KIAA1217: variants seen among roughly 807,000 people sequenced by gnomAD.
KIAA1217 encodes KIAA1217.
In KIAA1217, 88 loss-of-function variants were observed where a neutral mutation model predicts 163.9. The observed-to-expected ratio is 0.54, with a 90% CI of 0.45 to 0.64. The LOEUF (loss-of-function observed/expected upper bound fraction) is 0.64. KIAA1217 is among the 30% of genes least tolerant of loss of function. The pLI, the probability that KIAA1217 is intolerant of heterozygous loss-of-function variation, is 0.00. For synonymous variants in KIAA1217, 903 were observed against 923.1 expected (o/e 0.98, Z 0.39); for missense variants, 2,372 against 2,475.0 (o/e 0.96, Z 0.88).
In KIAA1217 at chr10:23,852,656, G is replaced by T. The variant is rs557269216; in HGVS notation, c.-320-154569G>T. ...TTCTTCCTACCCATGAGCATGGAATGTTCTTCCATTTGTTTGTATCCTCTT... is the reference window on the plus strand; with the variant it reads ...TTCTTCCTACCCATGAGCATGGAATTTTCTTCCATTTGTTTGTATCCTCTT... On this transcript the variant is annotated intron_variant, in intron 1 of 18. Coordinates refer to the KIAA1217 transcript ENST00000376462. Among the ~76,000 whole-genome samples, 21 of 152,276 alleles carry T rather than the reference G, an allele frequency of 1.4e-4. No homozygotes were observed. The South Asian group carries it at 4.4e-3, about 32-fold the overall frequency.
Position 24,546,355 on chromosome 10 carries a change from T to C in KIAA1217, c.*31T>C, listed in dbSNP as rs1319469486. Reference sequence around the variant, plus strand: ...AAATCCTATTAGGCACAAGTCGGAGTTACATTTAAAAAAAATTAACAGTCT... The same window carrying C: ...AAATCCTATTAGGCACAAGTCGGAGCTACATTTAAAAAAAATTAACAGTCT... On this transcript the variant is annotated 3_prime_UTR_variant, in exon 21 of 21. Coordinates refer to ENST00000376454, the MANE Select transcript of KIAA1217 (RefSeq NM_019590.5). 2.6e-6 allele frequency: 4 copies of C among 1,539,620 alleles called. No homozygotes were observed. The highest frequency in any genetic ancestry group is 3.5e-6 in the Non-Finnish European group (4 of 1,145,886).
At chr10:24,140,886 T>G (rs1415452355) in intron 2 of KIAA1217, among the ~76,000 whole-genome samples, 2 of 152,186 alleles carry the variant, frequency 1.3e-5, no homozygotes, top group African/African-American at 4.8e-5. Flanking sequence ...CATGTCTTAT[T>G]GCATTGTCAA....
chr10:24,097,613 A>G (rs2062214510), intron 2 of KIAA1217, among the ~76,000 whole-genome samples: 1 of 152,182 alleles, frequency 6.6e-6, no homozygotes, highest in South Asian at 2.1e-4. Context: ...TTTTTTAAAT[A>G]GTAAGAAATT....
intron 19 of KIAA1217, 103 bp downstream of exon 19, chr10:24,544,584 G>T: frequency 5.0e-6 from 7 of 1,387,488 alleles, no homozygotes; most frequent in Non-Finnish European, 6.7e-6. Context: ...CTTTCTTTCA[G>T]GTGGCTTTTT....
rs185805883 is a variant in KIAA1217, at chr10:23,855,358, C to T, written c.-320-151867C>T. ...AATATTGGCCCCTACTCTCTTCTGG[C>T]TTGTAGAGTTTCTGCTGAGAGATCC... On this transcript the variant is annotated intron_variant, in intron 1 of 18. Coordinates refer to the KIAA1217 transcript ENST00000376462. Among the ~76,000 whole-genome samples, 987 of 152,260 alleles carry T rather than the reference C, an allele frequency of 6.5e-3. 31 individuals carry two copies. Among genetic ancestry groups the T allele is most frequent in the Admixed American group, 0.045 (685 of 15,294 alleles).
chr10:24,205,772 CA>C (rs11388565), upstream of KIAA1217, among the ~76,000 whole-genome samples: 45 of 142,080 alleles, frequency 3.2e-4, no homozygotes, highest in East Asian at 4.1e-4. Context: ...GATGCTGTCT[CA>C]AAAAAAAAAA....
chr10:23,699,978 A>G (rs1434277561), intron 1 of KIAA1217, among the ~76,000 whole-genome samples: 1 of 152,222 alleles, frequency 6.6e-6, no homozygotes, highest in Non-Finnish European at 1.5e-5. Context: ...AAAGGAGTAA[A>G]TGAATAAAAG....
intron 5 of KIAA1217, among the ~76,000 whole-genome samples, chr10:24,465,008 A>T (rs2062793057): frequency 6.6e-6 from 1 of 152,122 alleles, no homozygotes; most frequent in Non-Finnish European, 1.5e-5. Context: ...GGGTCTTTGG[A>T]GGATGTGATA....
intron 3 of KIAA1217, among the ~76,000 whole-genome samples, chr10:24,422,484 T>A (rs17513940): frequency 6.6e-6 from 1 of 151,970 alleles, no homozygotes; most frequent in East Asian, 1.9e-4. Context: ...GAGATGAAAA[T>A]GAGGACTCAA....
chr10:24,540,273 G>T (rs953132408), intron 17 of KIAA1217, among the ~76,000 whole-genome samples: 1 of 152,014 alleles, frequency 6.6e-6, no homozygotes, highest in African/African-American at 2.4e-5. Flanking sequence ...TCGCTCTCTC[G>T]CCCAGGCTGG....
At chr10:24,207,558 C>T (rs754580399), upstream of KIAA1217, among the ~76,000 whole-genome samples, 5 of 152,188 alleles carry the variant, frequency 3.3e-5, no homozygotes, top group Non-Finnish European at 7.3e-5. Flanking sequence ...GCAAGATTGC[C>T]AGGTAATTCT....
chr10:23,857,439 C>T (rs941137405), intron 1 of KIAA1217, among the ~76,000 whole-genome samples: 9 of 152,140 alleles, frequency 5.9e-5, no homozygotes, highest in African/African-American at 2.2e-4. Flanking sequence ...TTTCTGAAAG[C>T]AGGCCCTGTC....
Position 24,024,231 on chromosome 10 carries a change from C to A in KIAA1217, c.-171+16857C>A, listed in dbSNP as rs1431314352. Among the ~76,000 whole-genome samples, 4 of 151,336 alleles carry A rather than the reference C, an allele frequency of 2.6e-5. No homozygotes were observed. The East Asian group carries it at 7.7e-4, about 29-fold the overall frequency. ...TAAATACATGCAGTTTTGTAACCAC[C>A]AGCATAATGATGATATAAAGCATCC... is the stretch of plus-strand genomic sequence containing the variant. On this transcript the variant is annotated intron_variant, in intron 2 of 18. Coordinates refer to the KIAA1217 transcript ENST00000376462.
chr10:24,352,525 C>A (rs1488624825), intron 2 of KIAA1217, among the ~76,000 whole-genome samples: 2 of 152,086 alleles, frequency 1.3e-5, no homozygotes. Flanking sequence ...TGTTGTTAAC[C>A]AATCAAATGT....
intron 1 of KIAA1217, among the ~76,000 whole-genome samples, chr10:23,840,350 T>TTCA (rs1838712534): frequency 6.6e-6 from 1 of 152,062 alleles, no homozygotes; most frequent in South Asian, 2.1e-4. Flanking sequence ...GAGATGGGGT[T>TTCA]TCACCATGTT....
At chr10:24,108,379 T>G (rs970074008) in intron 2 of KIAA1217, among the ~76,000 whole-genome samples, 2 of 152,204 alleles carry the variant, frequency 1.3e-5, no homozygotes, top group Non-Finnish European at 2.9e-5. Context: ...CTTTTGAGGT[T>G]GTATAGTAAA....
chr10:24,459,062 T>G (rs1159801711), intron 5 of KIAA1217, among the ~76,000 whole-genome samples: 1 of 152,064 alleles, frequency 6.6e-6, no homozygotes, highest in Non-Finnish European at 1.5e-5. Context: ...CCCAGTAATC[T>G]GATTTACTAA....
intron 9 of KIAA1217, among the ~76,000 whole-genome samples, chr10:24,504,767 G>A (rs990709562): frequency 1.3e-5 from 2 of 152,220 alleles, no homozygotes; most frequent in African/African-American, 4.8e-5. Context: ...AGACTGTAGA[G>A]CATATCCTAT....
At chr10:24,104,465 A>G (rs1179151047) in intron 2 of KIAA1217, among the ~76,000 whole-genome samples, 1 of 152,186 alleles carries the variant, frequency 6.6e-6, no homozygotes, top group Non-Finnish European at 1.5e-5. Context: ...TTGAAAAGGC[A>G]ACTAGGGAGA....
Sources: gnomAD v4.1 joint callset for allele counts (sites outside exome capture counted in the v4.1 genomes callset) on GRCh38, gnomAD v4.1.1 for gene constraint, MANE v1.5 for transcripts, NCBI Gene and HGNC (gene_info 2026-07-23, HGNC 2026-07-21) for gene names.